Variants in SAMD13 observed in about 807,000 individuals in gnomAD.
SAMD13 encodes sterile alpha motif domain containing 13.
Under a neutral mutation model 12.4 loss-of-function variants are expected in SAMD13, and 9 were observed. The observed-to-expected ratio is 0.72, with a 90% CI of 0.44 to 1.26. SAMD13 has a LOEUF of 1.26. Ranked by LOEUF, SAMD13 falls within the 50% of genes most tolerant of loss-of-function variation. The probability of loss-of-function intolerance (pLI) is 0.00; values close to 1 mark genes in which losing one functional copy is unlikely to be tolerated. For missense variants in SAMD13, 84 were observed against 119.6 expected, an observed-to-expected ratio of 0.70 and a Z score of 1.39; for synonymous variants, 46 against 45.4, an observed-to-expected ratio of 1.01 and a Z score of -0.05.
chr1:84,311,617 C>T (rs1678714806), intron 2 of SAMD13, among the ~76,000 whole-genome samples: 1 of 152,148 alleles, frequency 6.6e-6, no homozygotes, highest in African/African-American at 2.4e-5. Context: ...GAGTCTGCTT[C>T]AGAAAACGGA....
intron 2 of SAMD13, among the ~76,000 whole-genome samples, chr1:84,306,644 C>CAAAAAAA (rs386367519): frequency 3.1e-5 from 2 of 64,004 alleles, no homozygotes; most frequent in Non-Finnish European, 5.9e-5. Flanking sequence ...CTAAAAATAC[C>CAAAAAAA]AAAAAAAAAA....
intron 2 of SAMD13, among the ~76,000 whole-genome samples, chr1:84,313,346 G>A (rs750228057): frequency 3.3e-5 from 5 of 151,990 alleles, no homozygotes; most frequent in Non-Finnish European, 5.9e-5. Context: ...ACTTTGGTAC[G>A]TGACACACTC....
chr1:84,337,667 C>T (rs568067051), intron 3 of SAMD13, among the ~76,000 whole-genome samples: 4 of 152,316 alleles, frequency 2.6e-5, no homozygotes, highest in African/African-American at 7.2e-5. Flanking sequence ...TCCCCATTGT[C>T]TTAGGGATTA....
At chr1:84,330,900 A>G (rs751042012) in intron 3 of SAMD13, among the ~76,000 whole-genome samples, 1 of 152,206 alleles carries the variant, frequency 6.6e-6, no homozygotes, top group Non-Finnish European at 1.5e-5. Flanking sequence ...ACAAAATAAT[A>G]TGCAACTCAA....
At chr1:84,306,217 A>G (rs1678569100) in intron 2 of SAMD13, among the ~76,000 whole-genome samples, 1 of 152,040 alleles carries the variant, frequency 6.6e-6, no homozygotes, top group Non-Finnish European at 1.5e-5. Flanking sequence ...CATCCCTAAT[A>G]TTTCATGTTT....
intron 2 of SAMD13, among the ~76,000 whole-genome samples, chr1:84,310,779 G>C (rs12727187): frequency 2.1e-3 from 312 of 152,034 alleles, no homozygotes; most frequent in South Asian, 9.1e-3. Context: ...GAATTCAAAG[G>C]GGTTTTGCAT....
chr1:84,303,834 TTA>T (rs1303541106), intron 2 of SAMD13: 1 of 152,478 alleles, frequency 6.6e-6, no homozygotes, highest in Non-Finnish European at 1.5e-5. Flanking sequence ...AAACTTGTGT[TTA>T]TATGTGTCAT....
chr1:84,299,577 C>T, upstream of SAMD13: 1 of 1,496,808 alleles, frequency 6.7e-7, no homozygotes, highest in Non-Finnish European at 8.9e-7. Flanking sequence ...ATACTTTATG[C>T]TACATACTAC....
At chr1:84,326,150 C>A (rs1415012334) in intron 3 of SAMD13, among the ~76,000 whole-genome samples, 1 of 152,106 alleles carries the variant, frequency 6.6e-6, no homozygotes, top group Non-Finnish European at 1.5e-5. Context: ...GGCCTCAGCA[C>A]CCAATGGACT....
intron 2 of SAMD13, among the ~76,000 whole-genome samples, chr1:84,310,164 T>C (rs573815508): frequency 6.6e-6 from 1 of 152,204 alleles, no homozygotes; most frequent in East Asian, 1.9e-4. Flanking sequence ...ATTTAACTCA[T>C]TATATCACTT....
intron 2 of SAMD13, among the ~76,000 whole-genome samples, chr1:84,320,247 C>T (rs1055112425): frequency 3.3e-5 from 5 of 152,236 alleles, no homozygotes; most frequent in East Asian, 1.9e-4. Context: ...AGCAAAGCCA[C>T]GGGTATGGGA....
chr1:84,325,432 C>T (rs1349611376), intron 2 of SAMD13, among the ~76,000 whole-genome samples: 2 of 152,146 alleles, frequency 1.3e-5, no homozygotes, highest in Non-Finnish European at 2.9e-5. Context: ...CACTGGACCA[C>T]TCTCAATGTC....
At chr1:84,348,929 TC>T (rs758654425) in intron 3 of SAMD13, among the ~76,000 whole-genome samples, 5 of 152,076 alleles carry the variant, frequency 3.3e-5, no homozygotes, top group Non-Finnish European at 7.4e-5. Context: ...GCAGGATGGT[TC>T]CCCCTTTAAA....
At chr1:84,330,133 T>C (rs983328604) in intron 3 of SAMD13, among the ~76,000 whole-genome samples, 1 of 152,224 alleles carries the variant, frequency 6.6e-6, no homozygotes, top group African/African-American at 2.4e-5. Flanking sequence ...ACTTCTGATA[T>C]GTTTTCTTCC....
At chr1:84,339,162 G>C (rs933409478) in intron 3 of SAMD13, among the ~76,000 whole-genome samples, 1 of 152,130 alleles carries the variant, frequency 6.6e-6, no homozygotes, top group Non-Finnish European at 1.5e-5. Context: ...TTTCAGTCTG[G>C]TTAAGAACAA....
intron 3 of SAMD13, among the ~76,000 whole-genome samples, chr1:84,348,424 A>G (rs1159422208): frequency 6.6e-6 from 1 of 152,082 alleles, no homozygotes; most frequent in Non-Finnish European, 1.5e-5. Flanking sequence ...CGGTGTCCCC[A>G]TGTCTGTCGG....
chr1:84,320,121 A>G (rs1303111974), intron 2 of SAMD13, among the ~76,000 whole-genome samples: 1 of 152,202 alleles, frequency 6.6e-6, no homozygotes, highest in Non-Finnish European at 1.5e-5. Context: ...AATGCTTATT[A>G]AGTGCCTGGC....
intron 3 of SAMD13, among the ~76,000 whole-genome samples, chr1:84,342,185 C>T (rs1679441635): frequency 6.6e-6 from 1 of 152,172 alleles, no homozygotes; most frequent in African/African-American, 2.4e-5. Flanking sequence ...TCAAAGAAGC[C>T]TGGGAAATCT....
At chr1:84,319,364 A>G (rs1352634946) in intron 2 of SAMD13, among the ~76,000 whole-genome samples, 1 of 152,114 alleles carries the variant, frequency 6.6e-6, no homozygotes, top group East Asian at 1.9e-4. Flanking sequence ...AGTGGCTCAC[A>G]CCTGTAATCC....
Sources: allele counts gnomAD v4.1 joint callset (sites outside exome capture counted in the v4.1 genomes callset), GRCh38; gene constraint gnomAD v4.1.1; transcripts MANE v1.5; gene names NCBI Gene and HGNC (gene_info 2026-07-23, HGNC 2026-07-21).